SNX13: variants seen among roughly 807,000 people sequenced by gnomAD.
SNX13 encodes sorting nexin-13.
Under a neutral mutation model 133.6 loss-of-function variants are expected in SNX13, and 45 were observed. The ratio of observed to expected loss-of-function variants is 0.34; its 90% CI spans 0.27 to 0.43. The LOEUF (loss-of-function observed/expected upper bound fraction) is 0.43. SNX13 is among the 20% of genes least tolerant of loss of function. The pLI is 1.00. For synonymous variants in SNX13, 414 were observed against 373.9 expected (o/e 1.11, Z -1.24); for missense variants, 1,032 against 1,145.1 (o/e 0.90, Z 1.43).
chr7:17,856,419 C>G (rs1403004367), intron 9 of SNX13, among the ~76,000 whole-genome samples: 2 of 152,154 alleles, frequency 1.3e-5, no homozygotes, highest in Non-Finnish European at 2.9e-5. Context: ...TACAAAACAA[C>G]TAGAAAATAG....
At chr7:17,902,380 A>G (rs1282698381) in intron 1 of SNX13, among the ~76,000 whole-genome samples, 1 of 151,854 alleles carries the variant, frequency 6.6e-6, no homozygotes, top group African/African-American at 2.4e-5. Flanking sequence ...CTTGGTAGTT[A>G]ATCTATTACA....
chr7:17,884,991 C>T (rs1048767349), intron 5 of SNX13, among the ~76,000 whole-genome samples: 1 of 152,100 alleles, frequency 6.6e-6, no homozygotes, highest in Non-Finnish European at 1.5e-5. Flanking sequence ...AAATTATATT[C>T]CTAGGTATAT....
At chr7:17,812,966 G>T (rs934991376) in intron 20 of SNX13, among the ~76,000 whole-genome samples, 5 of 152,136 alleles carry the variant, frequency 3.3e-5, no homozygotes, top group South Asian at 2.1e-4. Context: ...GGGCCTGTCA[G>T]GGGGTTGAGG....
chr7:17,929,164 C>T (rs1801113210), intron 1 of SNX13, among the ~76,000 whole-genome samples: 2 of 151,632 alleles, frequency 1.3e-5, no homozygotes, highest in African/African-American at 4.8e-5. Flanking sequence ...AAAAACAAAT[C>T]AACAAATACA....
chr7:17,893,770 C>T (rs1796899743), intron 2 of SNX13, among the ~76,000 whole-genome samples: 1 of 151,696 alleles, frequency 6.6e-6, no homozygotes, highest in African/African-American at 2.4e-5. Flanking sequence ...GTCAGGAGTT[C>T]GAGACCAGCT....
rs948509853 is a variant in SNX13, at chr7:17,893,580, G to T, written c.126-146C>A. On this transcript the variant is annotated intron_variant, in intron 2 of 25. Coordinates refer to ENST00000428135, the MANE Select transcript of SNX13 (RefSeq NM_015132.5). ...TGTGACTTTGGCAAAGCAAGAAATT[G>T]ACAGATTGTATTAGGTTCTGAAGTT... 10 of 599,696 alleles carry T rather than the reference G, an allele frequency of 1.7e-5. No individual in the cohort carries two copies. In the African/African-American group the frequency reaches 1.9e-4, roughly 11 times the overall value. 37.1% of individuals were successfully genotyped at this position (599,696 alleles called of 1,614,324 possible). A position where few individuals can be genotyped will look rare whatever the true frequency, so the allele number is the denominator to read the frequency against.
At chr7:17,815,041 T>C (rs1583339747) in intron 19 of SNX13, 97 bp from the exon 20 acceptor site, 2 of 1,228,926 alleles carry the variant, frequency 1.6e-6, no homozygotes, top group South Asian at 2.3e-5. Flanking sequence ...ATTTTAAGAA[T>C]GTATAGTAAA....
intron 16 of SNX13, 41 bp from the exon 17 acceptor site, chr7:17,826,132 T>C (rs760921380): frequency 1.9e-5 from 25 of 1,343,568 alleles, no homozygotes; most frequent in South Asian, 1.6e-4. Flanking sequence ...TAAAATTTTA[T>C]AGGGAAAAAA....
chr7:17,809,987 T>G (rs946577449), intron 20 of SNX13, among the ~76,000 whole-genome samples: 9 of 152,102 alleles, frequency 5.9e-5, no homozygotes, highest in African/African-American at 1.9e-4. Context: ...GAGGAAAATT[T>G]ATAGCAGTAA....
intron 17 of SNX13, among the ~76,000 whole-genome samples, chr7:17,822,941 T>C (rs1393548500): frequency 6.6e-6 from 1 of 152,158 alleles, no homozygotes; most frequent in Non-Finnish European, 1.5e-5. Context: ...CCATTTCCAG[T>C]CATGATCTTG....
chr7:17,815,662 A>G (rs895700337), intron 19 of SNX13, among the ~76,000 whole-genome samples: 2 of 152,202 alleles, frequency 1.3e-5, no homozygotes, highest in Non-Finnish European at 2.9e-5. Flanking sequence ...TTCAAGTGTT[A>G]TATGGAAGCC....
Position 17,794,305 on chromosome 7 carries a change from G to C in SNX13, c.2627-13C>G. On this transcript the variant is annotated splice_polypyrimidine_tract_variant and intron_variant, in intron 25 of 25. Transcript: ENST00000428135. ...TGCTTCAGCTCATCTAAATGAAGTG[G>C]AGGAAAACACACATAATTATTCAAA... 1 of 1,601,598 alleles carries C rather than the reference G, an allele frequency of 6.2e-7. No individual in the cohort carries two copies.
intron 20 of SNX13, among the ~76,000 whole-genome samples, chr7:17,807,677 C>T (rs1785471925): frequency 6.6e-6 from 1 of 152,178 alleles, no homozygotes; most frequent in African/African-American, 2.4e-5. Flanking sequence ...CTGGGAGACA[C>T]CTCCCATCAG....
At chr7:17,819,324 T>C (rs1049765136) in intron 18 of SNX13, among the ~76,000 whole-genome samples, 1 of 151,958 alleles carries the variant, frequency 6.6e-6, no homozygotes, top group Non-Finnish European at 1.5e-5. Context: ...TCACTGCAAT[T>C]TCCACCTCCC....
Position 17,897,432 on chromosome 7 carries a change from T to A in SNX13, c.27A>T (p.Ile9=). 6.3e-7 allele frequency: 1 copy of A among 1,589,180 alleles called. No individual in the cohort carries two copies. The highest frequency in any genetic ancestry group is 8.6e-7 in the Non-Finnish European group (1 of 1,165,918). The change falls in exon 2 of 26, where the codon ATA becomes ATT. Residue 9 remains isoleucine (I), a synonymous_variant. Coordinates refer to ENST00000428135, the MANE Select transcript of SNX13 (RefSeq NM_015132.5). ...CAATGCCAAGGCTTCCCCATCCCCA[T>A]ATGGATAGACTGGCCTGAAATACAG... MLTEASLS[I]WGWGSLGIVL... is the part of the protein sequence containing the mutation.
intron 1 of SNX13, among the ~76,000 whole-genome samples, chr7:17,906,791 C>A (rs1798447993): frequency 6.6e-6 from 1 of 152,154 alleles, no homozygotes; most frequent in African/African-American, 2.4e-5. Context: ...GGTCAACCAA[C>A]AGAAGAGCCA....
chr7:17,798,475 T>C (rs1784288042), intron 24 of SNX13, among the ~76,000 whole-genome samples: 1 of 151,926 alleles, frequency 6.6e-6, no homozygotes, highest in African/African-American at 2.4e-5. Flanking sequence ...GAAAGATCTT[T>C]CTTCTTACTT....
rs1799897449 is a variant in SNX13, at chr7:17,919,457, A to G, written c.12+20827T>C. Reference sequence around the variant, plus strand: ...GAGTTACCAGAATTTCATACCATACAGTTCAGTAGAAATAATTTTGGTTAG... The same window carrying G: ...GAGTTACCAGAATTTCATACCATACGGTTCAGTAGAAATAATTTTGGTTAG... On this transcript the variant is annotated intron_variant, in intron 1 of 25. Coordinates refer to ENST00000428135, the MANE Select transcript of SNX13 (RefSeq NM_015132.5). Among the ~76,000 whole-genome samples, 3 of 152,310 alleles carry G rather than the reference A, an allele frequency of 2.0e-5. No homozygotes were observed. In the South Asian group the frequency reaches 6.2e-4, roughly 32 times the overall value.
intron 9 of SNX13, among the ~76,000 whole-genome samples, chr7:17,859,806 T>C (rs1792411432): frequency 6.6e-6 from 1 of 152,202 alleles, no homozygotes; most frequent in African/African-American, 2.4e-5. Context: ...TCAAGGTTCA[T>C]CATGTTGTAG....
Sources: allele counts gnomAD v4.1 joint callset (sites outside exome capture counted in the v4.1 genomes callset), GRCh38; gene constraint gnomAD v4.1.1; transcripts MANE v1.5; gene names NCBI Gene and HGNC (gene_info 2026-07-23, HGNC 2026-07-21).